Variants in ANKLE2 observed in about 807,000 individuals in gnomAD.
ANKLE2 encodes ankyrin repeat and LEM domain containing 2.
A neutral mutation model predicts 84.2 loss-of-function variants in ANKLE2; 55 were observed. That is an observed-to-expected ratio of 0.65 (90% confidence interval 0.53 to 0.82). ANKLE2 has a LOEUF of 0.82. Among genes scored for constraint, ANKLE2 ranks in the 40% least tolerant of loss-of-function variants. The pLI, the probability that ANKLE2 is intolerant of heterozygous loss-of-function variation, is 0.00. For missense variants in ANKLE2, 1,238 were observed against 1,201.9 expected (o/e 1.03, Z -0.44); for synonymous variants, 551 against 486.1 (o/e 1.13, Z -1.76).
In ANKLE2 at chr12:132,728,147, GTTTTGA is replaced by G. The variant is rs2043748667; in HGVS notation, c.2494_2499del (p.Ser832_Lys833del). 1.2e-6 allele frequency: 2 copies of G among 1,612,652 alleles called. No individual in the cohort carries two copies. The highest frequency in any genetic ancestry group is 4.5e-5 in the East Asian group (2 of 44,890). ...AGAGCGGCCAAAACATCCTGATCGA[GTTTTGA>G]TGGCTCCTCTCTAGAAAGCACAATA... is the stretch of plus-strand genomic sequence containing the variant. On this transcript the variant is annotated inframe_deletion, in exon 12 of 13. Transcript: ENST00000357997.
rs780234820 is a variant in ANKLE2 at position 132,741,425 on chromosome 12, A to G, written c.1414T>C (p.Leu472=). Residue 472 remains leucine (L), a synonymous_variant, in exon 7 of 13, where the codon TTA becomes CTA. Transcript: ENST00000357997. ...VELKERIREY[L]KGHYYVPLLR... is the part of the protein sequence containing the mutation. ...CACCAACTCCCCATCTTACCCTTTA[A>G]ATACTCTCTGATCCGCTCCTTCAGT... 3 of 1,614,166 alleles carry G rather than the reference A, an allele frequency of 1.9e-6. No individual in the cohort carries two copies. The East Asian group carries it at 6.7e-5, about 36-fold the overall frequency.
At chr12:132,734,649 C>G (rs546115379) in intron 9 of ANKLE2, 74 bp from the exon 10 acceptor site, 1 of 1,439,940 alleles carries the variant, frequency 6.9e-7, no homozygotes, top group African/African-American at 1.4e-5. Flanking sequence ...AAAAAAGCCA[C>G]TAAAGCTTCA....
chr12:132,752,961 C>T (rs187795343), intron 2 of ANKLE2, among the ~76,000 whole-genome samples: 1 of 148,896 alleles, frequency 6.7e-6, no homozygotes, highest in East Asian at 2.0e-4. Flanking sequence ...AGTTCAAGAC[C>T]AGACTAAGCA....
At chr12:132,751,667 C>T (rs944234330) in intron 2 of ANKLE2, among the ~76,000 whole-genome samples, 16 of 151,644 alleles carry the variant, frequency 1.1e-4, no homozygotes, top group African/African-American at 3.9e-4. Context: ...CTCAGCCTCC[C>T]GTGTAGCTGG....
Position 132,725,737 on chromosome 12 carries a change from A to G in ANKLE2, c.*1505T>C, listed in dbSNP as rs1371038555. On this transcript the variant is annotated 3_prime_UTR_variant, in exon 13 of 13. Coordinates refer to ENST00000357997, the MANE Select transcript of ANKLE2 (RefSeq NM_015114.3). ...TACAGACAATATGGTAAGATTTTAG[A>G]GAAAACAGATCATCACTACGAATAT... is the stretch of plus-strand genomic sequence containing the variant. 1 of 152,262 alleles carries G rather than the reference A, an allele frequency of 6.6e-6. No homozygotes were observed. The highest frequency in any genetic ancestry group is 2.4e-5 in the African/African-American group (1 of 41,474). 9.4% of individuals were successfully genotyped at this position (152,262 alleles called of 1,614,324 possible). A position where few individuals can be genotyped will look rare whatever the true frequency, so the allele number is the denominator to read the frequency against.
intron 8 of ANKLE2, among the ~76,000 whole-genome samples, chr12:132,736,011 GTA>G (rs2044001579): frequency 2.0e-5 from 3 of 152,092 alleles, no homozygotes; most frequent in Non-Finnish European, 4.4e-5. Flanking sequence ...GAGTGCAGTG[GTA>G]CGATCTCGGC....
chr12:132,761,306 A>C (rs2044619114), intron 1 of ANKLE2: 1 of 245,014 alleles, frequency 4.1e-6, no homozygotes, highest in African/African-American at 2.3e-5. Flanking sequence ...AGGTCTCGAG[A>C]GACCGCAGCA....
At position 132,733,705 on chromosome 12, in the gene ANKLE2, G is replaced by A. The variant is rs150365171; in HGVS notation, c.1891+680C>T. Among the ~76,000 whole-genome samples, 902 of 144,634 alleles carry A rather than the reference G, an allele frequency of 6.2e-3. 5 individuals carry two copies. The highest frequency in any genetic ancestry group is 0.022 in the African/African-American group (856 of 39,080). 94.9% of individuals were successfully genotyped at this position (144,634 alleles called of 152,430 possible). A position where few individuals can be genotyped will look rare whatever the true frequency, so the allele number is the denominator to read the frequency against. On this transcript the variant is annotated intron_variant, in intron 10 of 12. Coordinates refer to ENST00000357997, the MANE Select transcript of ANKLE2 (RefSeq NM_015114.3). ...GTGTCTGATATGCACTGTGTGAAGC[G>A]CTCTGCGTCCTGGTGTCTGATACGC... is the stretch of plus-strand genomic sequence containing the variant.
At chr12:132,731,230 G>C (rs1223176380) in intron 10 of ANKLE2, 1 of 152,186 alleles carries the variant, frequency 6.6e-6, no homozygotes, top group Non-Finnish European at 1.5e-5. Context: ...ATAGTCACAA[G>C]ACAACACTGT....
In ANKLE2 at chr12:132,747,912, A is replaced by G. The variant is rs1475985543; in HGVS notation, c.1150T>C (p.Tyr384His). 1 of 1,607,396 alleles carries G rather than the reference A, an allele frequency of 6.2e-7. No homozygotes were observed. The change falls in exon 5 of 13, where the codon TAC (tyrosine) becomes CAC (histidine). Residue 384 changes from tyrosine (Y) to histidine (H), a missense_variant. Coordinates refer to ENST00000357997, the MANE Select transcript of ANKLE2 (RefSeq NM_015114.3). ...AGCATGGCCTCGTCGTCATCAGGGT[A>G]CATCAGCCTCATGAAGTCAGGGTTC... ...LENPDFMRLMYPDDDEAMLQK... is the reference protein window; with the variant it reads ...LENPDFMRLMHPDDDEAMLQK...
intron 1 of ANKLE2, chr12:132,759,063 AG>A (rs2044549740): frequency 7.4e-6 from 1 of 134,908 alleles, no homozygotes; most frequent in Admixed American, 8.1e-5. Context: ...CCCACGTGGC[AG>A]AGAGGATCGC....
chr12:132,730,583 G>A (rs2043821792), intron 10 of ANKLE2: 2 of 358,100 alleles, frequency 5.6e-6, no homozygotes, highest in Non-Finnish European at 1.0e-5. Context: ...AGCACTCTGG[G>A]AGGCCATGGC....
intron 10 of ANKLE2, chr12:132,731,340 C>T (rs946253785): frequency 2.0e-5 from 3 of 152,248 alleles, no homozygotes; most frequent in East Asian, 1.9e-4. Flanking sequence ...GCACTGACGT[C>T]GCTCTAGTTC....
rs1593192649 is a variant in ANKLE2, at chr12:132,761,599, G to A, written c.181+19C>T. On this transcript the variant is annotated intron_variant, in intron 1 of 12. Transcript: ENST00000357997. Reference sequence around the variant, plus strand: ...GAAGGGGCCAGGGTGCGGGGACCCAGCGACCGCCTGGGCCTTACCTGAGGC... The same window carrying A: ...GAAGGGGCCAGGGTGCGGGGACCCAACGACCGCCTGGGCCTTACCTGAGGC... The A allele has an allele frequency of 3.3e-6, 4 of 1,220,260 alleles. No homozygotes were observed. Among genetic ancestry groups the A allele is most frequent in the Non-Finnish European group, 4.1e-6 (4 of 979,474 alleles). The allele number at this position is 1,220,260 out of a possible 1,614,324, so 75.6% of individuals were successfully genotyped here.
chr12:132,731,083 G>A (rs1043039630), intron 10 of ANKLE2: 3 of 152,250 alleles, frequency 2.0e-5, no homozygotes, highest in Non-Finnish European at 4.4e-5. Context: ...AGCACTGTGC[G>A]ACAGGCAACA....
intron 10 of ANKLE2, chr12:132,731,457 AT>A (rs2043843168): frequency 6.6e-6 from 1 of 152,190 alleles, no homozygotes; most frequent in Non-Finnish European, 1.5e-5. Flanking sequence ...TGTTTTATAA[AT>A]GAAGTGTCTT....
chr12:132,739,131 G>A (rs946505633), intron 7 of ANKLE2, among the ~76,000 whole-genome samples: 10 of 152,132 alleles, frequency 6.6e-5, no homozygotes, highest in Non-Finnish European at 1.3e-4. Context: ...GGAGGAGGGA[G>A]AGGATGGAAA....
chr12:132,759,110 G>GAGGA (rs2044552159), intron 1 of ANKLE2: 1 of 100,946 alleles, frequency 9.9e-6, no homozygotes, highest in African/African-American at 4.8e-5. Flanking sequence ...ACGTGGCAGA[G>GAGGA]TGGATCACGC....
chr12:132,742,364 A>T (rs2044142899), intron 6 of ANKLE2: 1 of 154,978 alleles, frequency 6.5e-6, no homozygotes, highest in Admixed American at 6.4e-5. Flanking sequence ...CAATTACAGA[A>T]GGGGTGTGGG....
Sources: gnomAD v4.1 joint callset for allele counts (sites outside exome capture counted in the v4.1 genomes callset) on GRCh38, gnomAD v4.1.1 for gene constraint, MANE v1.5 for transcripts, NCBI Gene and HGNC (gene_info 2026-07-23, HGNC 2026-07-21) for gene names.